Variants in PTPRD observed in about 807,000 individuals in gnomAD.
The protein encoded by PTPRD is protein tyrosine phosphatase receptor type D.
In PTPRD, 34 loss-of-function variants were observed where a neutral mutation model predicts 214.5. The observed-to-expected ratio is 0.16, with a 90% confidence interval of 0.12 to 0.21. The LOEUF (loss-of-function observed/expected upper bound fraction) is 0.21. Ranked by LOEUF, PTPRD falls within the 10% of genes least tolerant of loss-of-function variation. The pLI is 1.00. For synonymous variants in PTPRD, 1,128 were observed against 845.7 expected (o/e 1.33, Z -5.79); for missense variants, 2,545 against 2,398.7 (o/e 1.06, Z -1.27).
At chr9:10,129,889 T>C (rs1040703221) in intron 3 of PTPRD, among the ~76,000 whole-genome samples, 1 of 152,064 alleles carries the variant, frequency 6.6e-6, no homozygotes, top group African/African-American at 2.4e-5. Flanking sequence ...AAAAGCTTAT[T>C]TGAGAATAAA....
chr9:9,922,868 A>C (rs1258843430), intron 5 of PTPRD, among the ~76,000 whole-genome samples: 1 of 152,044 alleles, frequency 6.6e-6, no homozygotes, highest in Non-Finnish European at 1.5e-5. Context: ...ACTAATTGCA[A>C]TACATGATTC....
intron 2 of PTPRD, among the ~76,000 whole-genome samples, chr9:10,445,496 T>G (rs1377756143): frequency 1.3e-5 from 2 of 151,890 alleles, no homozygotes; most frequent in Non-Finnish European, 2.9e-5. Context: ...GCAACAGAAA[T>G]GGAAAGAAAG....
chr9:8,701,522 A>T (rs573916438), intron 12 of PTPRD: 2 of 152,434 alleles, frequency 1.3e-5, no homozygotes, highest in East Asian at 3.9e-4. Flanking sequence ...TCTAATCCAA[A>T]GCTACTTGGG....
chr9:8,322,536 C>G (rs1313975140), intron 44 of PTPRD, among the ~76,000 whole-genome samples: 1 of 152,132 alleles, frequency 6.6e-6, no homozygotes, highest in Non-Finnish European at 1.5e-5. Flanking sequence ...CCCTAACTCT[C>G]TTCAATTCTA....
At chr9:10,532,181 T>C (rs1457929253) in intron 2 of PTPRD, 1 of 152,096 alleles carries the variant, frequency 6.6e-6, no homozygotes, top group Non-Finnish European at 1.5e-5. Flanking sequence ...TGCATCCAAC[T>C]ATGATAAATT....
rs1177957119 is a variant in PTPRD, at chr9:8,833,715, T to TACACAC, written c.-103-99775_-103-99770dup. ...CTCTCTCTCTCTATATATATATATA[T>TACACAC]ACACACACACACACACACACACACA... On this transcript the variant is annotated intron_variant, in intron 11 of 45. Coordinates refer to ENST00000381196, the MANE Select transcript of PTPRD (RefSeq NM_002839.4). 1.3e-3 allele frequency among the ~76,000 whole-genome samples: 178 copies of TACACAC among 133,734 alleles called. 1 individual carries two copies. The Middle Eastern group carries it at 0.016, about 12-fold the overall frequency. 87.7% of individuals were successfully genotyped at this position (133,734 alleles called of 152,430 possible).
At chr9:8,580,763 T>C (rs538810191) in intron 14 of PTPRD, among the ~76,000 whole-genome samples, 2 of 152,182 alleles carry the variant, frequency 1.3e-5, no homozygotes, top group East Asian at 1.9e-4. Flanking sequence ...GCTATTTGTA[T>C]GTACTCACGC....
chr9:8,530,437 CT>C (rs1408552110), intron 14 of PTPRD, among the ~76,000 whole-genome samples: 4 of 152,068 alleles, frequency 2.6e-5, no homozygotes, highest in Non-Finnish European at 5.9e-5. Flanking sequence ...CTTTGTAAAT[CT>C]TTTCCAAATT....
At chr9:8,593,842 C>T (rs2094296166) in intron 14 of PTPRD, among the ~76,000 whole-genome samples, 2 of 152,132 alleles carry the variant, frequency 1.3e-5, no homozygotes, top group Non-Finnish European at 2.9e-5. Context: ...GAAATGGATA[C>T]AACATGATTA....
chr9:8,555,714 G>A (rs551620096), intron 14 of PTPRD, among the ~76,000 whole-genome samples: 2 of 152,334 alleles, frequency 1.3e-5, no homozygotes, highest in Non-Finnish European at 2.9e-5. Flanking sequence ...CAGGGACAAT[G>A]AGGATGTCAA....
intron 3 of PTPRD, among the ~76,000 whole-genome samples, chr9:10,193,848 A>T (rs2099385142): frequency 6.6e-6 from 1 of 152,144 alleles, no homozygotes. Flanking sequence ...ACTGACGAAG[A>T]AAAAATGCAA....
intron 14 of PTPRD, among the ~76,000 whole-genome samples, chr9:8,619,170 C>T (rs574623321): frequency 3.7e-4 from 57 of 152,046 alleles, no homozygotes; most frequent in Non-Finnish European, 4.7e-4. Flanking sequence ...CAGTAACATA[C>T]GCATTATCTT....
At chr9:9,589,879 C>T (rs2092533052) in intron 7 of PTPRD, among the ~76,000 whole-genome samples, 1 of 151,850 alleles carries the variant, frequency 6.6e-6, no homozygotes, top group African/African-American at 2.4e-5. Flanking sequence ...CACACGTACA[C>T]GGGGCTTGTG....
intron 8 of PTPRD, among the ~76,000 whole-genome samples, chr9:9,510,660 GA>G (rs1417614732): frequency 1.7e-3 from 246 of 146,654 alleles, no homozygotes; most frequent in African/African-American, 5.9e-3. Context: ...TTTTTTTCTA[GA>G]AAAAAACATT....
At chr9:9,878,804 C>T (rs1482466157) in intron 5 of PTPRD, among the ~76,000 whole-genome samples, 1 of 152,108 alleles carries the variant, frequency 6.6e-6, no homozygotes, top group Admixed American at 6.6e-5. Flanking sequence ...GCTTTTATCA[C>T]ATGTATTATT....
chr9:9,695,934 C>T (rs2097365326), intron 7 of PTPRD, among the ~76,000 whole-genome samples: 1 of 152,010 alleles, frequency 6.6e-6, no homozygotes, highest in East Asian at 1.9e-4. Flanking sequence ...GGAAGTATTT[C>T]CTCCTTTTCA....
At chr9:9,257,609 T>G (rs543014834) in intron 9 of PTPRD, among the ~76,000 whole-genome samples, 2 of 151,872 alleles carry the variant, frequency 1.3e-5, no homozygotes, top group Admixed American at 6.6e-5. Flanking sequence ...CTGGGCAGCA[T>G]AGTGAGACCC....
chr9:10,259,325 G>T (rs1039858266), intron 3 of PTPRD, among the ~76,000 whole-genome samples: 1 of 152,044 alleles, frequency 6.6e-6, no homozygotes, highest in African/African-American at 2.4e-5. Context: ...CGCCCGGCCG[G>T]TATCTGTTTC....
chr9:10,208,311 G>A (rs935847162), intron 3 of PTPRD, among the ~76,000 whole-genome samples: 1 of 152,164 alleles, frequency 6.6e-6, no homozygotes, highest in African/African-American at 2.4e-5. Context: ...TCAGGAGATC[G>A]ACGCCATCCT....
Sources: allele counts gnomAD v4.1 joint callset (sites outside exome capture counted in the v4.1 genomes callset), GRCh38; gene constraint gnomAD v4.1.1; transcripts MANE v1.5; gene names NCBI Gene and HGNC (gene_info 2026-07-23, HGNC 2026-07-21).